FAAH2: variants seen among roughly 807,000 people sequenced by gnomAD.
The protein encoded by FAAH2 is fatty-acid amide hydrolase 2.
FAAH2 carries 60 observed loss-of-function variants against 36.9 expected under a neutral mutation model. The observed-to-expected ratio is 1.63, with a 90% CI of 1.32 to 2.02. The LOEUF is 2.02. Ranked by LOEUF, FAAH2 falls within the 30% of genes most tolerant of loss-of-function variation. The pLI is 0.00. For missense variants in FAAH2, 689 were observed against 397.5 expected, an observed-to-expected ratio of 1.73 and a Z score of -6.23; for synonymous variants, 214 against 143.8, an observed-to-expected ratio of 1.49 and a Z score of -3.49.
intron 5 of FAAH2, among the ~76,000 whole-genome samples, chrX:57,352,791 A>T (rs992041757): frequency 9.0e-6 from 1 of 111,323 alleles, no homozygotes; most frequent in Admixed American, 9.6e-5. Context: ...AGCACACAAA[A>T]TCAGTATAAT....
the FAAH2 span, among the ~76,000 whole-genome samples, chrX:57,279,930 C>G: frequency 8.9e-6 from 1 of 111,805 alleles, no homozygotes; most frequent in Non-Finnish European, 1.9e-5. Context: ...AGAGCTGGCA[C>G]AAGACATTGA....
At chrX:57,304,324 C>A (rs1044793372) in intron 2 of FAAH2, among the ~76,000 whole-genome samples, 6 of 112,435 alleles carry the variant, frequency 5.3e-5, no homozygotes, top group African/African-American at 1.9e-4. Context: ...GAAAGCAATA[C>A]GGAAAATATA....
intron 7 of FAAH2, among the ~76,000 whole-genome samples, chrX:57,397,870 C>G (rs1466794599): frequency 1.1e-5 from 1 of 93,820 alleles, no homozygotes; most frequent in African/African-American, 4.0e-5. Context: ...CACCCCACAA[C>G]AGGCCCCGAT....
At chrX:57,379,531 GCTCTCT>G (rs57962376) in intron 6 of FAAH2, among the ~76,000 whole-genome samples, 71 of 102,621 alleles carry the variant, frequency 6.9e-4, no homozygotes, top group Middle Eastern at 5.0e-3. Flanking sequence ...TGTCTCTCTC[GCTCTCT>G]CTCTCTCTCA....
intron 7 of FAAH2, among the ~76,000 whole-genome samples, chrX:57,398,717 C>T (rs981689435): frequency 9.0e-6 from 1 of 111,361 alleles, no homozygotes; most frequent in Non-Finnish European, 1.9e-5. Context: ...TATTTCTTTA[C>T]CTCCTGTTTT....
the FAAH2 span, among the ~76,000 whole-genome samples, chrX:57,273,058 A>T: frequency 8.9e-6 from 1 of 112,013 alleles, no homozygotes; most frequent in East Asian, 2.8e-4. Flanking sequence ...AAATAAAGGG[A>T]TGGAGGGATA....
At chrX:57,133,492 C>T in the FAAH2 span, among the ~76,000 whole-genome samples, 3 of 111,604 alleles carry the variant, frequency 2.7e-5, no homozygotes, top group Non-Finnish European at 3.8e-5. Context: ...TAAAGCAGGC[C>T]AGCTGGGGGT....
chrX:57,203,337 G>T, the FAAH2 span, among the ~76,000 whole-genome samples: 3 of 112,371 alleles, frequency 2.7e-5, no homozygotes, highest in Non-Finnish European at 5.6e-5. Flanking sequence ...TATTGTTTGT[G>T]GTTCAGGAAC....
intron 10 of FAAH2, among the ~76,000 whole-genome samples, chrX:57,465,484 C>A (rs1287109487): frequency 9.0e-6 from 1 of 111,496 alleles, no homozygotes; most frequent in Admixed American, 9.6e-5. Context: ...ACCACAATAA[C>A]AGTGATGGAT....
chrX:57,411,052 T>G (rs930401746), intron 7 of FAAH2, among the ~76,000 whole-genome samples: 18 of 111,924 alleles, frequency 1.6e-4, no homozygotes, highest in Non-Finnish European at 7.5e-5. Flanking sequence ...AGCAGTTATC[T>G]TCTCTACTGT....
At chrX:57,228,061 G>A in the FAAH2 span, among the ~76,000 whole-genome samples, 1 of 111,811 alleles carries the variant, frequency 8.9e-6, no homozygotes, top group Non-Finnish European at 1.9e-5. Flanking sequence ...TTTTCCCAAG[G>A]TTTTCTTCAC....
At chrX:57,454,923 G>A (rs1005269098) in intron 10 of FAAH2, among the ~76,000 whole-genome samples, 4 of 111,226 alleles carry the variant, frequency 3.6e-5, no homozygotes, top group African/African-American at 1.3e-4. Context: ...CCAGGGAGGA[G>A]GACATACAAA....
intron 3 of FAAH2, among the ~76,000 whole-genome samples, chrX:57,314,624 C>G (rs1260300904): frequency 9.0e-6 from 1 of 110,869 alleles, no homozygotes; most frequent in Non-Finnish European, 1.9e-5. Flanking sequence ...ATGAAAAACT[C>G]CTAGATGGAC....
At chrX:57,389,862 T>TA (rs1330407285) in intron 7 of FAAH2, among the ~76,000 whole-genome samples, 6 of 109,364 alleles carry the variant, frequency 5.5e-5, no homozygotes, top group African/African-American at 9.9e-5. Context: ...CACTTACCTT[T>TA]AAAAAAAAAT....
At chrX:57,215,816 G>T in the FAAH2 span, among the ~76,000 whole-genome samples, 20 of 107,448 alleles carry the variant, frequency 1.9e-4, no homozygotes, top group East Asian at 1.2e-3. Flanking sequence ...AACCTGTCAG[G>T]TGGTGGGGGC....
At chrX:57,219,343 T>C in the FAAH2 span, among the ~76,000 whole-genome samples, 1 of 111,626 alleles carries the variant, frequency 9.0e-6, no homozygotes, top group Non-Finnish European at 1.9e-5. Flanking sequence ...TGCTGAAATC[T>C]GGGAGGGGCT....
intron 5 of FAAH2, among the ~76,000 whole-genome samples, chrX:57,356,338 T>TA (rs1009578721): frequency 1.0e-4 from 11 of 109,690 alleles, no homozygotes; most frequent in Admixed American, 3.9e-4. Context: ...TAGTATTATT[T>TA]AAAAAAAAAG....
At chrX:57,360,112 T>A (rs2054253410) in intron 5 of FAAH2, among the ~76,000 whole-genome samples, 1 of 110,322 alleles carries the variant, frequency 9.1e-6, no homozygotes, top group Non-Finnish European at 1.9e-5. Flanking sequence ...CCTATAAGAT[T>A]CTCTCTTTAT....
At chrX:57,478,827 G>C (rs2057322030) in intron 10 of FAAH2, among the ~76,000 whole-genome samples, 1 of 111,503 alleles carries the variant, frequency 9.0e-6, no homozygotes, top group South Asian at 3.8e-4. Context: ...TGAGGACTCT[G>C]TTCTGTTCCA....
Sources: allele counts gnomAD v4.1 joint callset (sites outside exome capture counted in the v4.1 genomes callset), GRCh38; gene constraint gnomAD v4.1.1; transcripts MANE v1.5; gene names NCBI Gene and HGNC (gene_info 2026-07-23, HGNC 2026-07-21).